NBPF20: variants seen among roughly 807,000 people sequenced by gnomAD.
The protein encoded by NBPF20 is NBPF family member NBPF20.
Under a neutral mutation model 68.1 loss-of-function variants are expected in NBPF20, and 90 were observed. That is an observed-to-expected ratio of 1.32 (90% CI 1.11 to 1.58). The LOEUF is 1.58. Among genes scored for constraint, NBPF20 ranks in the 40% most tolerant of loss-of-function variants. The pLI is 0.00. For synonymous variants in NBPF20, 290 were observed against 228.1 expected (o/e 1.27, Z -2.45); for missense variants, 816 against 601.2 (o/e 1.36, Z -3.74).
chr1:145,401,140 A>C lies in NBPF20; in HGVS notation c.494-9T>G. ...GTCATCGTTGTCATTTTCTGTAAAT[A>C]CAGAAGTGTTCGTTCAGATATTTCC... On this transcript the variant is annotated splice_polypyrimidine_tract_variant and intron_variant, in intron 4 of 137. Coordinates refer to ENST00000369373, the Ensembl canonical transcript of NBPF20. 1 of 1,603,480 alleles carries C rather than the reference A, an allele frequency of 6.2e-7. No homozygotes were observed. Among genetic ancestry groups the C allele is most frequent in the Non-Finnish European group, 8.5e-7 (1 of 1,179,306 alleles).
chr1:145,412,155 T>C, the NBPF20 span, among the ~76,000 whole-genome samples: 2 of 151,054 alleles, frequency 1.3e-5, no homozygotes, highest in Admixed American at 6.6e-5. Context: ...CCTGCTTCTC[T>C]TCCACTATCT....
chr1:145,393,694 A>G, intron 9 of NBPF20, 190 bp downstream of exon 14: 1 of 1,441,968 alleles, frequency 6.9e-7, no homozygotes. Flanking sequence ...TAGGTTAGTA[A>G]ATGATAAGGG....
upstream of NBPF20, among the ~76,000 whole-genome samples, chr1:145,410,377 G>C (rs1346184631): frequency 1.3e-5 from 2 of 149,772 alleles, no homozygotes; most frequent in African/African-American, 2.4e-5. Context: ...TGCAGTGGCG[G>C]GATCTCGGCT....
exon 1 of NBPF20, chr1:145,405,467 A>G: frequency 6.5e-7 from 1 of 1,544,294 alleles, no homozygotes; most frequent in Non-Finnish European, 8.7e-7. Context: ...CCACAAAAAC[A>G]AGGTTCAAGG....
intron 7 of NBPF20, among the ~76,000 whole-genome samples, chr1:145,398,786 G>T (rs1433012016): frequency 6.6e-6 from 1 of 151,420 alleles, no homozygotes; most frequent in East Asian, 1.9e-4. Context: ...ATGAATCCAG[G>T]GCTGGTTTTT....
At chr1:145,421,615 A>T in the NBPF20 span, among the ~76,000 whole-genome samples, 4 of 152,176 alleles carry the variant, frequency 2.6e-5, no homozygotes, top group Non-Finnish European at 5.9e-5. Flanking sequence ...TCAAATTTCC[A>T]GGAGCTTATG....
At chr1:145,393,698 A>T (rs1380851300) in intron 9 of NBPF20, 186 bp downstream of exon 14, 6 of 1,453,194 alleles carry the variant, frequency 4.1e-6, no homozygotes, top group Non-Finnish European at 4.7e-6. Flanking sequence ...TTAGTAAATG[A>T]TAAGGGTAGG....
At chr1:145,400,489 A>T in exon 6 of NBPF20, 7 of 1,613,102 alleles carry the variant, frequency 4.3e-6, no homozygotes, top group Non-Finnish European at 5.1e-6. Flanking sequence ...TGGTTTTCCT[A>T]TGTGGCTGGT....
At chr1:145,395,545 C>T (rs1408069808) in intron 7 of NBPF20, among the ~76,000 whole-genome samples, 1 of 148,490 alleles carries the variant, frequency 6.7e-6, no homozygotes, top group Admixed American at 6.7e-5. Flanking sequence ...TTAAGGGCCC[C>T]ATTTTCCCAA....
upstream of NBPF20, among the ~76,000 whole-genome samples, chr1:145,407,467 A>ACATG (rs1662847237): frequency 6.8e-6 from 1 of 147,388 alleles, no homozygotes; most frequent in African/African-American, 2.5e-5. Context: ...ATACACGTAT[A>ACATG]TATAATATAT....
the NBPF20 span, among the ~76,000 whole-genome samples, chr1:145,411,386 CCTT>C: frequency 5.0e-5 from 7 of 138,868 alleles, no homozygotes; most frequent in Non-Finnish European, 7.7e-5. Flanking sequence ...TGTTGACTTT[CCTT>C]TTTTTTTTTT....
chr1:145,393,334 G>C (rs1662007465), intron 9 of NBPF20, 88 bp from the exon 15 acceptor site: 2 of 688,174 alleles, frequency 2.9e-6, no homozygotes, highest in South Asian at 1.7e-5. Flanking sequence ...ACGTAAGGAA[G>C]AGTTTGAAAA....
the NBPF20 span, among the ~76,000 whole-genome samples, chr1:145,423,963 T>C: frequency 6.0e-5 from 9 of 150,072 alleles, no homozygotes; most frequent in East Asian, 1.8e-3. Context: ...TGGTAAAAAT[T>C]CATTACCTGT....
chr1:145,394,754 G>C (rs1480456713), intron 8 of NBPF20, among the ~76,000 whole-genome samples: 2 of 152,096 alleles, frequency 1.3e-5, no homozygotes, highest in Admixed American at 6.5e-5. Context: ...AGTCCAGGTT[G>C]GCACGGGCAT....
At chr1:145,398,855 G>A (rs1662382309) in intron 7 of NBPF20, among the ~76,000 whole-genome samples, 194 bp downstream of exon 12, 1 of 150,366 alleles carries the variant, frequency 6.7e-6, no homozygotes, top group East Asian at 1.9e-4. Flanking sequence ...CTGATGGCAA[G>A]TTCCTATCTT....
exon 138 of NBPF20, chr1:145,291,503 T>G: frequency 2.5e-6 from 4 of 1,612,002 alleles, no homozygotes; most frequent in Non-Finnish European, 3.4e-6. Flanking sequence ...AGGAATGACA[T>G]CTCTCGGCTT....
intron 9 of NBPF20, among the ~76,000 whole-genome samples, 159 bp from the exon 15 acceptor site, chr1:145,393,405 G>C (rs1553662596): frequency 2.4e-4 from 36 of 151,698 alleles, no homozygotes; most frequent in African/African-American, 8.5e-4. Flanking sequence ...GGATAGACTA[G>C]GGCCAGGTAG....
chr1:145,403,224 C>T lies in NBPF20; in HGVS notation c.270G>A (p.Glu90=), dbSNP rs1381303876. The T allele has an allele frequency of 1.3e-4, 208 of 1,612,416 alleles. 1 individual carries two copies. The highest frequency in any genetic ancestry group is 1.1e-3 in the Admixed American group (66 of 60,004). ...CCATGGGGTCCCCTCACCTGAGCTC[C>T]TCAGCTTGCTTGAGCTGCTCTGCAA... is the stretch of plus-strand genomic sequence containing the variant. Residue 90 remains glutamate, a synonymous_variant, in exon 3 of 138, where the codon GAG becomes GAA. Coordinates refer to ENST00000369373, the Ensembl canonical transcript of NBPF20.
At chr1:145,397,617 C>A (rs1161336996) in intron 7 of NBPF20, among the ~76,000 whole-genome samples, 1 of 152,154 alleles carries the variant, frequency 6.6e-6, no homozygotes, top group South Asian at 2.1e-4. Context: ...CCGGTACCAG[C>A]CACTACAAAA....
Sources: gnomAD v4.1 joint callset for allele counts (sites outside exome capture counted in the v4.1 genomes callset) on GRCh38, gnomAD v4.1.1 for gene constraint, MANE v1.5 for transcripts, NCBI Gene and HGNC (gene_info 2026-07-23, HGNC 2026-07-21) for gene names.